The following NPHP3 variants were observed in gnomAD, a reference collection of about 807,000 sequenced individuals.
NPHP3 encodes nephrocystin-3.
NPHP3 carries 123 observed loss-of-function variants against 171.9 expected under a neutral mutation model. That is an observed-to-expected ratio of 0.72 (90% CI 0.62 to 0.83). NPHP3 has a LOEUF of 0.83. Ranked by LOEUF, NPHP3 falls within the 40% of genes least tolerant of loss-of-function variation. The pLI, the probability that NPHP3 is intolerant of heterozygous loss-of-function variation, is 0.00. For synonymous variants in NPHP3, 558 were observed against 579.2 expected (o/e 0.96, Z 0.52); for missense variants, 1,506 against 1,591.9 (o/e 0.95, Z 0.92).
rs149565564 is a variant in NPHP3, at chr3:132,715,098, T to G, written c.944A>C (p.Asp315Ala). Residue 315 changes from aspartate to alanine, a missense_variant, in exon 5 of 27, where the codon GAT becomes GCT. By Grantham distance (126) the Asp-to-Ala change is moderately radical. Coordinates refer to ENST00000337331, the MANE Select transcript of NPHP3 (RefSeq NM_153240.5). ...AAATATCCTCACCTTAAGGAAAAGA[T>G]CCATCTCAGGCTGGGTTTCATCTGT... is the stretch of plus-strand genomic sequence containing the variant. ...IYTDETQPEM[D>A]LFLKDYSPKL... 3 of 1,611,444 alleles carry G rather than the reference T, an allele frequency of 1.9e-6. No individual in the cohort carries two copies. Among genetic ancestry groups the G allele is most frequent in the Non-Finnish European group, 2.5e-6 (3 of 1,177,718 alleles).
chr3:132,691,362 A>T (rs1334203016), intron 17 of NPHP3, 76 bp from the exon 18 acceptor site: 1 of 979,980 alleles, frequency 1.0e-6, no homozygotes, highest in Non-Finnish European at 1.7e-6. Flanking sequence ...TTTGCAAAAA[A>T]GAATTTATAA....
chr3:132,691,406 T>A, intron 17 of NPHP3, 120 bp from the exon 18 acceptor site: 1 of 727,928 alleles, frequency 1.4e-6, no homozygotes, highest in Non-Finnish European at 2.4e-6. Flanking sequence ...AATAGAAATG[T>A]CACTTAAATG....
chr3:132,722,123 C>G lies in NPHP3; in HGVS notation c.233G>C (p.Gly78Ala). 1.9e-6 allele frequency: 3 copies of G among 1,606,122 alleles called. No individual in the cohort carries two copies. The highest frequency in any genetic ancestry group is 2.5e-6 in the Non-Finnish European group (3 of 1,179,302). ...GTACTCCAGCTCTGGCACCGACGAGCCAGTGGACTTGAAGCTGGCCCCCAG... is the reference window on the plus strand; with the variant it reads ...GTACTCCAGCTCTGGCACCGACGAGGCAGTGGACTTGAAGCTGGCCCCCAG... ...GLLGASFKSTGSSVPELEYAA... is the reference protein window; with the variant it reads ...GLLGASFKSTASSVPELEYAA... Residue 78 changes from glycine (G) to alanine (A), a missense_variant, in exon 1 of 27, where the codon GGC (glycine) becomes GCC (alanine). Physicochemically the swap from Gly to Ala is moderately conservative, Grantham distance 60 (BLOSUM62 0). This residue lies in a region of NPHP3 where 930 missense variants were observed against 924.9 expected (regional missense o/e 1.01). Transcript: ENST00000337331.
chr3:132,684,515 T>C (rs1939106621), intron 24 of NPHP3, 39 bp downstream of exon 24: 1 of 1,609,170 alleles, frequency 6.2e-7, no homozygotes, highest in East Asian at 2.2e-5. Context: ...GCTTAACTGA[T>C]ATGTTATAAA....
At chr3:132,720,699 T>C (rs1042725069) in intron 1 of NPHP3, among the ~76,000 whole-genome samples, 1 of 152,110 alleles carries the variant, frequency 6.6e-6, no homozygotes, top group African/African-American at 2.4e-5. Flanking sequence ...ACTAGAAGAA[T>C]GTCTAGTCTT....
At position 132,708,111 on chromosome 3, in the gene NPHP3, C is replaced by A. The variant is rs1560011878; in HGVS notation, c.1265G>T (p.Ser422Ile). 1 of 1,614,162 alleles carries A rather than the reference C, an allele frequency of 6.2e-7. No homozygotes were observed. Among genetic ancestry groups the A allele is most frequent in the Non-Finnish European group, 8.5e-7 (1 of 1,180,000 alleles). ...GCCTATGAATTTTACCTTGGCTTTG[C>A]TGGTCTTGTTTAGATTAGAAACTTG... ...IDQVSNLNKTSKAKIIDHSGD... is the reference protein window; with the variant it reads ...IDQVSNLNKTIKAKIIDHSGD... The change falls in exon 7 of 27, where the codon AGC (serine) becomes ATC (isoleucine). Residue 422 changes from serine (S) to isoleucine (I), a missense_variant. By Grantham distance (142) the Ser-to-Ile change is moderately radical. This residue lies in a region of NPHP3 where 930 missense variants were observed against 924.9 expected (regional missense o/e 1.01). Transcript: ENST00000337331.
chr3:132,700,492 T>C (rs1485420773), intron 10 of NPHP3, 44 bp from the exon 11 acceptor site: 5 of 1,186,454 alleles, frequency 4.2e-6, no homozygotes, highest in African/African-American at 1.5e-5. Flanking sequence ...ATAAAGTTCC[T>C]TGACTGTCAA....
At chr3:132,717,924 AT>A in intron 3 of NPHP3, 1 of 308,288 alleles carries the variant, frequency 3.2e-6, no homozygotes, top group South Asian at 2.5e-5. Context: ...TGCCCAGCTA[AT>A]TTTTGTATTT....
Position 132,722,024 on chromosome 3 carries a change from G to T in NPHP3, c.332C>A (p.Ser111Tyr), listed in dbSNP as rs200233813. 14 of 1,613,224 alleles carry T rather than the reference G, an allele frequency of 8.7e-6. No individual in the cohort carries two copies. Among genetic ancestry groups the T allele is most frequent in the Non-Finnish European group, 1.2e-5 (14 of 1,179,898 alleles). The part of the protein sequence containing the change: ...FRVSKNQELL[S>Y]MGRREAKLDT... ...CAGCTTGGCCTCGCGGCGGCCCATG[G>T]ACAACAACTCCTGGTTCTTGCTGAC... is the stretch of plus-strand genomic sequence containing the variant. Residue 111 changes from serine to tyrosine, a missense_variant, in exon 1 of 27, where the codon TCC (serine) becomes TAC (tyrosine). By Grantham distance (144) the Ser-to-Tyr change is moderately radical. Around this residue, in one of 3 missense-constraint regions of NPHP3, gnomAD observed 930 missense variants for 924.9 expected, o/e 1.01. Coordinates refer to ENST00000337331, the MANE Select transcript of NPHP3 (RefSeq NM_153240.5).
At position 132,686,303 on chromosome 3, in the gene NPHP3, G is replaced by A. The variant is rs141144099; in HGVS notation, c.3286C>T (p.Leu1096Phe). The A allele has an allele frequency of 4.0e-5, 64 of 1,613,914 alleles. 1 individual carries two copies. In the South Asian group the frequency reaches 6.8e-4, roughly 17 times the overall value. Reference protein sequence around the residue: ...GKDTPDNARTLNELGVLYYLQ... With the variant: ...GKDTPDNARTFNELGVLYYLQ... The stretch of plus-strand genomic sequence containing the variant: ...TAGTAGAGAACACCCAGTTCATTGA[G>A]GGTCCGAGCATTATCAGGTGTGTCC... The change falls in exon 23 of 27, where the codon CTC (leucine) becomes TTC (phenylalanine). Residue 1096 changes from leucine (L) to phenylalanine (F), a missense_variant. Around this residue, in one of 3 missense-constraint regions of NPHP3, gnomAD observed 569 missense variants for 648.1 expected, o/e 0.88. Transcript: ENST00000337331.
Position 132,700,433 on chromosome 3 carries a change from C to T in NPHP3, c.1644G>A (p.Gln548=), listed in dbSNP as rs1939576536. The T allele has an allele frequency of 6.2e-7, 1 of 1,606,398 alleles. No individual in the cohort carries two copies. The highest frequency in any genetic ancestry group is 1.3e-5 in the African/African-American group (1 of 74,624). The change falls in exon 11 of 27, where the codon CAG becomes CAA. Residue 548 remains glutamine, a synonymous_variant. Transcript: ENST00000337331. The stretch of plus-strand genomic sequence containing the variant: ...GAATCAGTGTGTTGGGGGAATTCTT[C>T]TGTTGTAATTGAATCCTGAAAGAAA... ...LLLSKWIQLQ[Q]KNSPNTLILS...
chr3:132,689,337 T>A (rs371143447), intron 19 of NPHP3, 74 bp from the exon 20 acceptor site: 58 of 1,470,450 alleles, frequency 3.9e-5, no homozygotes, highest in Non-Finnish European at 5.0e-5. Context: ...ACTCCAGAAT[T>A]AATATCAAGT....
chr3:132,697,781 T>C (rs1939494138), intron 13 of NPHP3, among the ~76,000 whole-genome samples: 1 of 152,134 alleles, frequency 6.6e-6, no homozygotes, highest in South Asian at 2.1e-4. Flanking sequence ...GAAAATTGCA[T>C]TTGTGGGGGA....
intron 9 of NPHP3, among the ~76,000 whole-genome samples, chr3:132,703,786 C>T (rs1462620409): frequency 6.6e-6 from 1 of 152,014 alleles, no homozygotes; most frequent in African/African-American, 2.4e-5. Context: ...TGCCATGTTG[C>T]TCAGGCTAGT....
At position 132,700,465 on chromosome 3, in the gene NPHP3, GA is replaced by G. The variant is rs1939577898; in HGVS notation, c.1629-18del. 6.7e-7 allele frequency: 1 copy of G among 1,486,704 alleles called. No individual in the cohort carries two copies. The highest frequency in any genetic ancestry group is 9.4e-7 in the Non-Finnish European group (1 of 1,069,432). 92.1% of individuals were successfully genotyped at this position (1,486,704 alleles called of 1,614,324 possible). ...AATTGAATCCTGAAAGAAAAAGACA[GA>G]ACTTTTATAAAACCGATAAAGTTCC... On this transcript the variant is annotated intron_variant, in intron 10 of 26. Transcript: ENST00000337331.
At position 132,688,901 on chromosome 3, in the gene NPHP3, A is replaced by G; in HGVS notation, c.2884-10T>C. ...GCAAAGGTACTATGGCCTGGGGGGA[A>G]AAGGGGTGAAAGGCCAGTTAAAGTG... On this transcript the variant is annotated splice_polypyrimidine_tract_variant and intron_variant, in intron 20 of 26. Transcript: ENST00000337331. 1.2e-6 allele frequency: 2 copies of G among 1,614,094 alleles called. No homozygotes were observed. The highest frequency in any genetic ancestry group is 1.7e-6 in the Non-Finnish European group (2 of 1,179,986).
chr3:132,709,871 T>C (rs1379005398), intron 6 of NPHP3, among the ~76,000 whole-genome samples: 1 of 152,170 alleles, frequency 6.6e-6, no homozygotes, highest in East Asian at 1.9e-4. Context: ...CTATCGAATT[T>C]TGGAATTTCA....
chr3:132,681,258 C>CTTTTTTTTT lies in NPHP3; in HGVS notation c.*643_*651dup, dbSNP rs886058000. The CTTTTTTTTT allele has an allele frequency of 9.5e-6, 1 of 105,658 alleles. No homozygotes were observed. Among genetic ancestry groups the CTTTTTTTTT allele is most frequent in the African/African-American group, 3.6e-5 (1 of 27,612 alleles). The allele number at this position is 105,658 out of a possible 1,614,324, so 6.5% of individuals were successfully genotyped here. A position where few individuals can be genotyped will look rare whatever the true frequency, so the allele number is the denominator to read the frequency against. On this transcript the variant is annotated 3_prime_UTR_variant, in exon 27 of 27. Transcript: ENST00000337331. ...GAGAGCTCAAAAGAATCATGGAATTCTTTTTTTTTTTTTTTTTTTTTTTGA... is the reference window on the plus strand; with the variant it reads ...GAGAGCTCAAAAGAATCATGGAATTCTTTTTTTTTTTTTTTTTTTTTTTTTTTTTTTTGA...
At chr3:132,703,819 A>G (rs1939679158) in intron 9 of NPHP3, among the ~76,000 whole-genome samples, 2 of 152,110 alleles carry the variant, frequency 1.3e-5, no homozygotes, top group South Asian at 4.1e-4. Flanking sequence ...GGCTTAAAGC[A>G]ATCTGCTTGT....
Sources: allele counts gnomAD v4.1 joint callset (sites outside exome capture counted in the v4.1 genomes callset), GRCh38; gene constraint gnomAD v4.1.1; regional missense constraint gnomAD v4.1.1; transcripts MANE v1.5; gene names NCBI Gene and HGNC (gene_info 2026-07-23, HGNC 2026-07-21).